Variants in MGA observed in about 807,000 individuals in gnomAD.
MGA encodes MAX dimerization protein MGA, also known as MAX gene-associated protein.
Under a neutral mutation model 261.1 loss-of-function variants are expected in MGA, and 40 were observed. That is an observed-to-expected ratio of 0.15 (90% CI 0.12 to 0.20). The LOEUF (loss-of-function observed/expected upper bound fraction) is 0.20. Among genes scored for constraint, MGA ranks in the 10% least tolerant of loss-of-function variants. The pLI is 1.00. For synonymous variants in MGA, 1,302 were observed against 1,290.6 expected (o/e 1.01, Z -0.19); for missense variants, 3,397 against 3,630.5 (o/e 0.94, Z 1.65).
chr15:41,670,197 T>C (rs146735157), intron 2 of MGA, among the ~76,000 whole-genome samples: 2 of 152,194 alleles, frequency 1.3e-5, no homozygotes, highest in Admixed American at 6.5e-5. Context: ...ATTATTCATA[T>C]GTATTTAGAA....
At chr15:41,713,104 G>A (rs747821011) in intron 8 of MGA, 47 bp from the exon 9 acceptor site, 2 of 1,585,570 alleles carry the variant, frequency 1.3e-6, no homozygotes, top group Non-Finnish European at 1.7e-6. Flanking sequence ...TGGTGGTGGT[G>A]TAGGGGGATG....
intron 1 of MGA, among the ~76,000 whole-genome samples, chr15:41,629,105 CAAAAAA>C (rs71108108): frequency 2.6e-5 from 2 of 78,078 alleles, no homozygotes; most frequent in Non-Finnish European, 5.0e-5. Flanking sequence ...GACTTCGTCT[CAAAAAA>C]AAAAAAAAAA....
chr15:41,623,789 T>C (rs1455872648), intron 1 of MGA, among the ~76,000 whole-genome samples: 1 of 119,068 alleles, frequency 8.4e-6, no homozygotes, highest in Non-Finnish European at 1.8e-5. Flanking sequence ...TTTTTTTTTT[T>C]TTGAGAGGGA....
intron 9 of MGA, 85 bp from the exon 10 acceptor site, chr15:41,727,095 G>C (rs2061290473): frequency 1.0e-6 from 1 of 975,552 alleles, no homozygotes; most frequent in Admixed American, 3.1e-5. Flanking sequence ...CTTTTGTGAG[G>C]GAGCGTATTT....
intron 9 of MGA, among the ~76,000 whole-genome samples, chr15:41,725,370 T>G (rs2061169391): frequency 6.6e-6 from 1 of 152,128 alleles, no homozygotes; most frequent in African/African-American, 2.4e-5. Context: ...AACCTTTTTT[T>G]AAAGACCTAA....
At chr15:41,756,855 A>G (rs538071129) in intron 18 of MGA, among the ~76,000 whole-genome samples, 2 of 152,206 alleles carry the variant, frequency 1.3e-5, no homozygotes, top group South Asian at 4.1e-4. Context: ...TGGCCTCCTA[A>G]AGTTCTGGGA....
chr15:41,687,756 T>C (rs1180197641), intron 2 of MGA, among the ~76,000 whole-genome samples: 1 of 152,236 alleles, frequency 6.6e-6, no homozygotes, highest in Admixed American at 6.5e-5. Flanking sequence ...TTCTGATTGA[T>C]ACTTCATGTA....
At chr15:41,631,545 T>C (rs1248748133) in intron 1 of MGA, among the ~76,000 whole-genome samples, 1 of 152,162 alleles carries the variant, frequency 6.6e-6, no homozygotes, top group Non-Finnish European at 1.5e-5. Flanking sequence ...AATACATAAT[T>C]TGAAATGGTA....
intron 1 of MGA, among the ~76,000 whole-genome samples, chr15:41,627,025 G>C (rs1443892775): frequency 6.6e-6 from 1 of 152,038 alleles, no homozygotes; most frequent in Non-Finnish European, 1.5e-5. Flanking sequence ...TCGTGTCTCA[G>C]CCACCCAAGT....
intron 1 of MGA, among the ~76,000 whole-genome samples, chr15:41,668,243 A>C (rs2057867024): frequency 6.6e-6 from 1 of 152,126 alleles, no homozygotes; most frequent in Admixed American, 6.6e-5. Flanking sequence ...TTTCAGTGTA[A>C]GGTCCATTGA....
intron 20 of MGA, among the ~76,000 whole-genome samples, chr15:41,761,347 G>A (rs1420934752): frequency 6.6e-6 from 1 of 152,236 alleles, no homozygotes; most frequent in Admixed American, 6.5e-5. Flanking sequence ...TAAGTAGAAG[G>A]TGGAGGAGTA....
intron 9 of MGA, among the ~76,000 whole-genome samples, chr15:41,721,196 G>A (rs1304502354): frequency 1.3e-5 from 2 of 152,088 alleles, no homozygotes; most frequent in African/African-American, 4.8e-5. Context: ...GGCTGGGCAC[G>A]GTGTCTCACG....
chr15:41,626,614 A>T (rs914834703), intron 1 of MGA, among the ~76,000 whole-genome samples: 11 of 151,738 alleles, frequency 7.2e-5, no homozygotes, highest in African/African-American at 2.4e-4. Flanking sequence ...GTAGAAACGG[A>T]CTTTCTCCAC....
At chr15:41,755,070 T>G (rs552228928) in intron 18 of MGA, among the ~76,000 whole-genome samples, 1 of 152,178 alleles carries the variant, frequency 6.6e-6, no homozygotes, top group Non-Finnish European at 1.5e-5. Context: ...GTAGGAAAAT[T>G]TTTCTTCCTG....
At chr15:41,701,744 T>G (rs933524504) in intron 5 of MGA, among the ~76,000 whole-genome samples, 2 of 152,210 alleles carry the variant, frequency 1.3e-5, no homozygotes, top group African/African-American at 2.4e-5. Flanking sequence ...TTTGGGCACC[T>G]AACTCAAAGC....
At chr15:41,695,282 G>A (rs1020375920) in intron 2 of MGA, among the ~76,000 whole-genome samples, 21 of 151,400 alleles carry the variant, frequency 1.4e-4, no homozygotes, top group African/African-American at 4.8e-4. Flanking sequence ...TCCGCCTCCC[G>A]GGTTCAAGCG....
chr15:41,696,582 G>A lies in MGA; in HGVS notation c.1572G>A (p.Lys524=). The change falls in exon 3 of 24, where the codon AAG becomes AAA. Residue 524 remains lysine, a synonymous_variant. Coordinates refer to ENST00000219905, the MANE Select transcript of MGA (RefSeq NM_001164273.2). ...ATGAGACTGCCTTCTGCTTAGGCAA[G>A]GAATCAGAAAATGGTCTTAGAAAAC... is the stretch of plus-strand genomic sequence containing the variant. 1 of 1,613,906 alleles carries A rather than the reference G, an allele frequency of 6.2e-7. No individual in the cohort carries two copies. Among genetic ancestry groups the A allele is most frequent in the Non-Finnish European group, 8.5e-7 (1 of 1,179,878 alleles).
intron 2 of MGA, among the ~76,000 whole-genome samples, chr15:41,681,557 C>T (rs1340269424): frequency 6.6e-6 from 1 of 151,812 alleles, no homozygotes; most frequent in African/African-American, 2.4e-5. Context: ...CTCAAGTGAT[C>T]CTCCCACCTC....
chr15:41,670,512 A>G (rs973036947), intron 2 of MGA, among the ~76,000 whole-genome samples: 3 of 152,106 alleles, frequency 2.0e-5, no homozygotes, highest in Admixed American at 1.3e-4. Context: ...GAGTAAGCAT[A>G]CTATTTTTTT....
Sources: gnomAD v4.1 joint callset for allele counts (sites outside exome capture counted in the v4.1 genomes callset) on GRCh38, gnomAD v4.1.1 for gene constraint, MANE v1.5 for transcripts, NCBI Gene and HGNC (gene_info 2026-07-23, HGNC 2026-07-21) for gene names.